The following ANXA11 variants were observed in gnomAD, a reference collection of about 807,000 sequenced individuals.
ANXA11 encodes annexin A11, also known as 56 kDa autoantigen.
ANXA11 carries 57 observed loss-of-function variants against 64.7 expected under a neutral mutation model. The ratio of observed to expected loss-of-function variants is 0.88; its 90% CI spans 0.71 to 1.10. The LOEUF (loss-of-function observed/expected upper bound fraction) is 1.10, where lower values mean the gene tolerates loss of function less well. Ranked by LOEUF, ANXA11 falls within the 50% of genes least tolerant of loss-of-function variation. ANXA11 has a pLI of 0.00. For missense variants in ANXA11, 675 were observed against 670.7 expected (o/e 1.01, Z -0.07); for synonymous variants, 260 against 265.2 (o/e 0.98, Z 0.19).
At chr10:80,177,801 C>A (rs1411232927) in intron 1 of ANXA11, among the ~76,000 whole-genome samples, 1 of 152,128 alleles carries the variant, frequency 6.6e-6, no homozygotes, top group Non-Finnish European at 1.5e-5. Flanking sequence ...TGCCTAATTA[C>A]CCCCAGGAGA....
rs1485476394 is a variant in ANXA11 at position 80,181,934 on chromosome 10, G to T, written c.-57-5779C>A. The stretch of plus-strand genomic sequence containing the variant: ...CAATGATCCAGCAATCATGCTCTTG[G>T]TATTTACCCAAATAAGTTGAAAACT... On this transcript the variant is annotated intron_variant, in intron 1 of 15. Transcript: ENST00000422982. Among the ~76,000 whole-genome samples the T allele has an allele frequency of 2.6e-5, 4 of 152,172 alleles. No individual in the cohort carries two copies. The East Asian group carries it at 7.7e-4, about 29-fold the overall frequency.
At chr10:80,174,886 C>A (rs1405878214) in intron 2 of ANXA11, among the ~76,000 whole-genome samples, 1 of 152,234 alleles carries the variant, frequency 6.6e-6, no homozygotes, top group East Asian at 1.9e-4. Flanking sequence ...AGCTAAAGAA[C>A]TTCCTTAAGG....
At chr10:80,165,989 G>A (rs1589423028) in intron 8 of ANXA11, 95 bp downstream of exon 8, 1 of 731,592 alleles carries the variant, frequency 1.4e-6, no homozygotes. Flanking sequence ...CGCCATCCAG[G>A]CCTCCTTCTG....
chr10:80,163,548 T>C lies in ANXA11; in HGVS notation c.1015A>G (p.Ile339Val), dbSNP rs1718200239. ...DTSGHFQRLLISLSQGNRDES... is the reference protein window; with the variant it reads ...DTSGHFQRLLVSLSQGNRDES... ...GGGAAAAGTACCTGAGAGAGAGAGA[T>C]GAGGAGCCGCTGGAAGTGCCCTGAT... The change falls in exon 10 of 16, where the codon ATC becomes GTC. Residue 339 changes from isoleucine (I) to valine (V), a missense_variant. Ile to Val is a conservative substitution (Grantham distance 29). Coordinates refer to ENST00000422982, the MANE Select transcript of ANXA11 (RefSeq NM_145868.2). 1.3e-6 allele frequency: 2 copies of C among 1,577,674 alleles called. No individual in the cohort carries two copies. Among genetic ancestry groups the C allele is most frequent in the Admixed American group, 1.8e-5 (1 of 54,726 alleles).
intron 1 of ANXA11, among the ~76,000 whole-genome samples, chr10:80,184,708 A>T (rs1361214447): frequency 1.3e-5 from 2 of 152,174 alleles, no homozygotes; most frequent in East Asian, 1.9e-4. Flanking sequence ...ATGAGCTTGG[A>T]ATGCTTGAGG....
intron 11 of ANXA11, among the ~76,000 whole-genome samples, chr10:80,162,500 C>T (rs1039178979): frequency 9.2e-5 from 14 of 152,230 alleles, no homozygotes; most frequent in African/African-American, 3.4e-4. Context: ...AAGACCGAGC[C>T]AGGAGTATAG....
chr10:80,202,205 G>T (rs1564630645), intron 1 of ANXA11, among the ~76,000 whole-genome samples: 3 of 150,682 alleles, frequency 2.0e-5, no homozygotes. Flanking sequence ...TGGGGGGGAA[G>T]CGGGGGGTCT....
rs541885845 is a variant in ANXA11, at chr10:80,172,555, C to A, written c.55+252G>T. Reference sequence around the variant, plus strand: ...TGTTACTAGAGAGTAAGGCAAGAGACCCAGCCCTGGGCCTGGTCCAGGGCT... The same window carrying A: ...TGTTACTAGAGAGTAAGGCAAGAGAACCAGCCCTGGGCCTGGTCCAGGGCT... On this transcript the variant is annotated intron_variant, in intron 3 of 15. Coordinates refer to ENST00000422982, the MANE Select transcript of ANXA11 (RefSeq NM_145868.2). Among the ~76,000 whole-genome samples the A allele has an allele frequency of 4.6e-5, 7 of 152,266 alleles. No homozygotes were observed. In the South Asian group the frequency reaches 8.3e-4, roughly 18 times the overall value.
intron 1 of ANXA11, among the ~76,000 whole-genome samples, chr10:80,176,935 T>C (rs1461249821): frequency 2.6e-5 from 4 of 151,368 alleles, no homozygotes; most frequent in Non-Finnish European, 5.9e-5. Flanking sequence ...GCCTCATTTT[T>C]CCCTCTGTCA....
At chr10:80,182,786 G>C (rs1846402717) in intron 1 of ANXA11, among the ~76,000 whole-genome samples, 1 of 152,180 alleles carries the variant, frequency 6.6e-6, no homozygotes, top group South Asian at 2.1e-4. Flanking sequence ...AGAAGGCTCG[G>C]CTCTGGTTAA....
chr10:80,194,537 CA>C (rs1425239895), intron 1 of ANXA11, among the ~76,000 whole-genome samples: 1 of 151,854 alleles, frequency 6.6e-6, no homozygotes, highest in African/African-American at 2.4e-5. Context: ...GGGGGGAAGA[CA>C]AAGAATTCAG....
At chr10:80,158,909 T>A (rs1240584444) in intron 13 of ANXA11, among the ~76,000 whole-genome samples, 191 bp downstream of exon 13, 4 of 152,132 alleles carry the variant, frequency 2.6e-5, no homozygotes, top group Non-Finnish European at 5.9e-5. Context: ...CCAGGACAGC[T>A]AGGGGTTCAA....
At chr10:80,169,515 T>C (rs935071380) in intron 4 of ANXA11, among the ~76,000 whole-genome samples, 157 bp from the exon 5 acceptor site, 1 of 152,226 alleles carries the variant, frequency 6.6e-6, no homozygotes, top group African/African-American at 2.4e-5. Flanking sequence ...AGAATGAGTT[T>C]ACTTGCTCAA....
In ANXA11 at chr10:80,169,182, C is replaced by T. The variant is rs755231281; in HGVS notation, c.348G>A (p.Arg116=). 1.9e-6 allele frequency: 3 copies of T among 1,600,282 alleles called. No homozygotes were observed. Among genetic ancestry groups the T allele is most frequent in the South Asian group, 2.2e-5 (2 of 89,676 alleles). ...YPPPGGNPPS[R]MPSYPPYPGA... ...CTGGGTATGGCGGATATGAGGGCAT[C>T]CTGGAGGGTGGGTTTCCTCCTGGGG... The change falls in exon 5 of 16, where the codon AGG becomes AGA. Residue 116 remains arginine, a synonymous_variant. Coordinates refer to ENST00000422982, the MANE Select transcript of ANXA11 (RefSeq NM_145868.2).
chr10:80,181,098 A>G (rs1004530196), intron 1 of ANXA11: 8 of 152,246 alleles, frequency 5.3e-5, no homozygotes, highest in Non-Finnish European at 1.0e-4. Flanking sequence ...CACAAAATTA[A>G]CTAAGACAAT....
intron 11 of ANXA11, 85 bp downstream of exon 11, chr10:80,163,264 C>T: frequency 1.3e-6 from 2 of 1,496,356 alleles, no homozygotes; most frequent in Non-Finnish European, 1.8e-6. Context: ...TTGTTCTTTC[C>T]ACCCTAGGGT....
At chr10:80,177,418 G>C (rs902691088) in intron 1 of ANXA11, among the ~76,000 whole-genome samples, 1 of 152,078 alleles carries the variant, frequency 6.6e-6, no homozygotes, top group Admixed American at 6.6e-5. Context: ...TTCAGGCCAC[G>C]GAGACCTTAT....
Position 80,169,294 on chromosome 10 carries a change from C to G in ANXA11, c.236G>C (p.Gly79Ala). 1 of 1,610,940 alleles carries G rather than the reference C, an allele frequency of 6.2e-7. No homozygotes were observed. The highest frequency in any genetic ancestry group is 8.5e-7 in the Non-Finnish European group (1 of 1,179,728). The change falls in exon 5 of 16, where the codon GGG becomes GCG. Residue 79 changes from glycine to alanine, a missense_variant. By Grantham distance (60) the Gly-to-Ala change is moderately conservative. Coordinates refer to ENST00000422982, the MANE Select transcript of ANXA11 (RefSeq NM_145868.2). ...AGGGGGCACTGGTGGGTAGCCAGCC[C>G]CAGGGGCCCCAGGGTACAGGTTGGG... ...NMPNLYPGAP[G>A]AGYPPVPPGG...
At chr10:80,193,453 T>C (rs1307519446) in intron 1 of ANXA11, among the ~76,000 whole-genome samples, 2 of 152,186 alleles carry the variant, frequency 1.3e-5, no homozygotes, top group Non-Finnish European at 2.9e-5. Flanking sequence ...CGTGTATTAT[T>C]ATAAAATATT....
Sources: gnomAD v4.1 joint callset for allele counts (sites outside exome capture counted in the v4.1 genomes callset) on GRCh38, gnomAD v4.1.1 for gene constraint, MANE v1.5 for transcripts, NCBI Gene and HGNC (gene_info 2026-07-23, HGNC 2026-07-21) for gene names.